The following AHI1 variants were observed in gnomAD, a reference collection of about 807,000 sequenced individuals.
AHI1 encodes the protein jouberin.
Under a neutral mutation model 149.3 loss-of-function variants are expected in AHI1, and 123 were observed. The ratio of observed to expected loss-of-function variants is 0.82; its 90% CI spans 0.71 to 0.96. The LOEUF is 0.96. Among genes scored for constraint, AHI1 ranks in the 40% least tolerant of loss-of-function variants. The probability of loss-of-function intolerance (pLI) is 0.00; values close to 1 mark genes in which losing one functional copy is unlikely to be tolerated. For missense variants in AHI1, 1,439 were observed against 1,422.7 expected (o/e 1.01, Z -0.18); for synonymous variants, 475 against 459.8 (o/e 1.03, Z -0.42).
chr6:135,376,666 G>A (rs1318610001), intron 23 of AHI1, among the ~76,000 whole-genome samples: 1 of 151,780 alleles, frequency 6.6e-6, no homozygotes, highest in Non-Finnish European at 1.5e-5. Flanking sequence ...GGCAGATCAC[G>A]AGGTCAGGAG....
intron 5 of AHI1, among the ~76,000 whole-genome samples, chr6:135,475,376 G>C (rs1792436281): frequency 6.6e-6 from 1 of 152,210 alleles, no homozygotes; most frequent in Non-Finnish European, 1.5e-5. Flanking sequence ...CAAATCCCAA[G>C]AAGGGCATAT....
At position 135,391,929 on chromosome 6, in the gene AHI1, TG is replaced by T. The variant is rs374585396; in HGVS notation, c.3109+2846del. ...TGGCTCCTAGTTATCTCTAAACAAC[TG>T]GGTGAATGGTGCTGTGGAATACTGG... On this transcript the variant is annotated intron_variant, in intron 23 of 28. Coordinates refer to ENST00000265602, the MANE Select transcript of AHI1 (RefSeq NM_001134831.2). Among the ~76,000 whole-genome samples, 641 of 152,150 alleles carry T rather than the reference TG, an allele frequency of 4.2e-3. 2 individuals are homozygous for T. Among genetic ancestry groups the T allele is most frequent in the African/African-American group, 0.015 (615 of 41,512 alleles).
At chr6:135,380,731 ACCCC>A (rs752362853) in intron 23 of AHI1, among the ~76,000 whole-genome samples, 1 of 56,052 alleles carries the variant, frequency 1.8e-5, no homozygotes, top group African/African-American at 7.1e-5. Context: ...AAGTAAAATA[ACCCC>A]CCCCCCCCCA....
intron 26 of AHI1, chr6:135,302,367 T>C (rs1321289956): frequency 2.0e-6 from 2 of 989,668 alleles, no homozygotes; most frequent in Non-Finnish European, 2.4e-6. Context: ...GTTAAGCCAA[T>C]GTTACTTTTA....
At chr6:135,418,785 T>C (rs186129126) in intron 20 of AHI1, among the ~76,000 whole-genome samples, 2 of 152,202 alleles carry the variant, frequency 1.3e-5, no homozygotes, top group Non-Finnish European at 1.5e-5. Context: ...CTTTATATGG[T>C]CATCTTACTG....
At chr6:135,357,786 A>G (rs992692371) in intron 24 of AHI1, among the ~76,000 whole-genome samples, 2 of 152,240 alleles carry the variant, frequency 1.3e-5, no homozygotes, top group Non-Finnish European at 2.9e-5. Flanking sequence ...AGGATAAAAG[A>G]TAAGACTTCA....
chr6:135,420,706 A>C (rs745890652), intron 20 of AHI1, among the ~76,000 whole-genome samples: 1 of 152,188 alleles, frequency 6.6e-6, no homozygotes, highest in Non-Finnish European at 1.5e-5. Flanking sequence ...AGGCTCTGGC[A>C]TAAGGGGGTA....
At chr6:135,333,522 T>G (rs1017483131) in intron 24 of AHI1, among the ~76,000 whole-genome samples, 1 of 152,176 alleles carries the variant, frequency 6.6e-6, no homozygotes, top group African/African-American at 2.4e-5. Context: ...TGGATAATAA[T>G]AGATTAAGAA....
At chr6:135,425,255 C>T (rs1783767485) in intron 20 of AHI1, among the ~76,000 whole-genome samples, 1 of 151,856 alleles carries the variant, frequency 6.6e-6, no homozygotes, top group East Asian at 1.9e-4. Context: ...CTAAAATGCT[C>T]ATGGAAATCC....
chr6:135,309,326 T>A (rs1784876892), intron 26 of AHI1, among the ~76,000 whole-genome samples: 1 of 152,178 alleles, frequency 6.6e-6, no homozygotes, highest in Non-Finnish European at 1.5e-5. Context: ...GACTCCAGAA[T>A]AACACATATT....
At chr6:135,416,593 C>T (rs1782418547) in intron 20 of AHI1, among the ~76,000 whole-genome samples, 1 of 151,878 alleles carries the variant, frequency 6.6e-6, no homozygotes, top group South Asian at 2.1e-4. Flanking sequence ...TGGAAAATTG[C>T]TCATATTATT....
intron 26 of AHI1, among the ~76,000 whole-genome samples, chr6:135,303,718 C>T (rs1446766236): frequency 6.6e-6 from 1 of 152,082 alleles, no homozygotes. Flanking sequence ...GATTTAATGG[C>T]AAAACTATTT....
chr6:135,490,037 T>G lies in AHI1; in HGVS notation c.135+586A>C, dbSNP rs989353008. 8.7e-5 allele frequency: 53 copies of G among 610,818 alleles called. No individual in the cohort carries two copies. In the African/African-American group the frequency reaches 9.6e-4, roughly 11 times the overall value. 37.8% of individuals were successfully genotyped at this position (610,818 alleles called of 1,614,324 possible). The stretch of plus-strand genomic sequence containing the variant: ...TATAAAGAGGGCATAGAGCATTAAC[T>G]GTGGATGCCAATACAGACTCTTTAT... On this transcript the variant is annotated intron_variant, in intron 5 of 28. Coordinates refer to ENST00000265602, the MANE Select transcript of AHI1 (RefSeq NM_001134831.2).
At chr6:135,395,805 C>T (rs1237020491) in intron 22 of AHI1, among the ~76,000 whole-genome samples, 1 of 151,652 alleles carries the variant, frequency 6.6e-6, no homozygotes, top group African/African-American at 2.4e-5. Flanking sequence ...TGTAAATAAA[C>T]AAAATGATAA....
chr6:135,390,506 G>C (rs1778328866), intron 23 of AHI1, among the ~76,000 whole-genome samples: 1 of 152,170 alleles, frequency 6.6e-6, no homozygotes, highest in Non-Finnish European at 1.5e-5. Flanking sequence ...AATGTGGCAG[G>C]ACAACGAATG....
At chr6:135,440,859 C>T (rs889496353) in intron 14 of AHI1, among the ~76,000 whole-genome samples, 4 of 152,166 alleles carry the variant, frequency 2.6e-5, no homozygotes, top group Non-Finnish European at 5.9e-5. Context: ...GAAAGGAGGG[C>T]ATCTGATTTC....
rs1340420754 is a variant in AHI1, at chr6:135,467,603, A to G, written c.167T>C (p.Met56Thr). ...TACATCATCACTTGTAGTTTCTTTC[A>G]TATAGTGAAGATTGCTTCTAATAGT... ...PDTIRSNLHY[M>T]KETTSDDPDT... is the part of the protein sequence containing the mutation. Residue 56 changes from methionine (M) to threonine (T), a missense_variant, in exon 6 of 29, where the codon ATG becomes ACG. Met to Thr is a moderately conservative substitution (Grantham distance 81, BLOSUM62 -1). Transcript: ENST00000265602. 1.9e-6 allele frequency: 3 copies of G among 1,609,810 alleles called. No homozygotes were observed. The highest frequency in any genetic ancestry group is 2.2e-5 in the East Asian group (1 of 44,676).
At chr6:135,307,707 A>G (rs115007212) in intron 26 of AHI1, among the ~76,000 whole-genome samples, 1,608 of 150,950 alleles carry the variant, frequency 0.011, 32 homozygotes, top group African/African-American at 0.037. Context: ...TTTAATACTT[A>G]TAAGTGTTTT....
chr6:135,493,879 C>T (rs747596450), intron 3 of AHI1, among the ~76,000 whole-genome samples: 2 of 152,078 alleles, frequency 1.3e-5, no homozygotes, highest in Non-Finnish European at 2.9e-5. Flanking sequence ...CCCATCTCTA[C>T]CAAAAATACA....
Sources: allele counts gnomAD v4.1 joint callset (sites outside exome capture counted in the v4.1 genomes callset), GRCh38; gene constraint gnomAD v4.1.1; transcripts MANE v1.5; gene names NCBI Gene and HGNC (gene_info 2026-07-23, HGNC 2026-07-21).